PLEKHG6: variants seen among roughly 807,000 people sequenced by gnomAD.
The protein encoded by PLEKHG6 is pleckstrin homology domain-containing family G member 6.
A neutral mutation model predicts 97.5 loss-of-function variants in PLEKHG6; 91 were observed. The observed-to-expected ratio is 0.93, with a 90% confidence interval of 0.79 to 1.11. The LOEUF (loss-of-function observed/expected upper bound fraction) is 1.11. Among genes scored for constraint, PLEKHG6 ranks in the 50% most tolerant of loss-of-function variants. The pLI, the probability that PLEKHG6 is intolerant of heterozygous loss-of-function variation, is 0.00. For missense variants in PLEKHG6, 1,044 were observed against 1,031.0 expected (o/e 1.01, Z -0.17); for synonymous variants, 466 against 425.5 (o/e 1.10, Z -1.17).
intron 13 of PLEKHG6, among the ~76,000 whole-genome samples, chr12:6,323,463 T>C (rs975288303): frequency 5.9e-5 from 9 of 152,226 alleles, no homozygotes; most frequent in Admixed American, 3.3e-4. Flanking sequence ...GGCAGAAACG[T>C]TGACTTGCAG....
rs748228498 is a variant in PLEKHG6 at position 6,327,236 on chromosome 12, C to T, written c.1671-18C>T. 8 of 1,516,194 alleles carry T rather than the reference C, an allele frequency of 5.3e-6. No individual in the cohort carries two copies. Among genetic ancestry groups the T allele is most frequent in the Non-Finnish European group, 6.3e-6 (7 of 1,112,996 alleles). The allele number at this position is 1,516,194 out of a possible 1,614,324, so 93.9% of individuals were successfully genotyped here. ...GAACTTGACCCCTACGCATCTGACT[C>T]TTTGCCATTAACTGTAGGACTCCTG... On this transcript the variant is annotated intron_variant, in intron 14 of 15. Coordinates refer to ENST00000684764, the MANE Select transcript of PLEKHG6 (RefSeq NM_001384598.1).
rs145030896 is a variant in PLEKHG6 at position 6,327,361 on chromosome 12, T to C, written c.1778T>C (p.Leu593Ser). ...DDTSDSGYGT[L>S]IPGTPTGSRS... ...ACCTCAGACTCTGGCTACGGCACTT[T>C]GATCCCAGGCACCCCCACGGGGTCC... Residue 593 changes from leucine to serine, a missense_variant, in exon 15 of 16, where the codon TTG (leucine) becomes TCG (serine). Leu to Ser is a moderately radical substitution (Grantham distance 145). Coordinates refer to ENST00000684764, the MANE Select transcript of PLEKHG6 (RefSeq NM_001384598.1). The C allele has an allele frequency of 7.4e-6, 12 of 1,614,060 alleles. No individual in the cohort carries two copies. The highest frequency in any genetic ancestry group is 1.0e-5 in the Non-Finnish European group (12 of 1,180,028).
Position 6,316,149 on chromosome 12 carries a change from AC to A in PLEKHG6, c.607-101del. On this transcript the variant is annotated intron_variant, in intron 6 of 15. Coordinates refer to ENST00000684764, the MANE Select transcript of PLEKHG6 (RefSeq NM_001384598.1). The surrounding 1 kb of genome is among the most constrained non-coding windows in gnomAD (Gnocchi z 4.1). The stretch of plus-strand genomic sequence containing the variant: ...CCCAGTGCCCAGTTCATCCTTCTTC[AC>A]CCCCGCCCCTGCTGTCCAAGCTTAA... 1.7e-6 allele frequency: 2 copies of A among 1,163,290 alleles called. No homozygotes were observed. Among genetic ancestry groups the A allele is most frequent in the Non-Finnish European group, 2.4e-6 (2 of 842,140 alleles). The allele number at this position is 1,163,290 out of a possible 1,614,324, so 72.1% of individuals were successfully genotyped here.
At chr12:6,314,348 TA>T (rs1005592030) in intron 3 of PLEKHG6, among the ~76,000 whole-genome samples, 1 of 151,154 alleles carries the variant, frequency 6.6e-6, no homozygotes, top group East Asian at 1.9e-4. Flanking sequence ...GCTAAAAATG[TA>T]AAAAAAAATT....
chr12:6,315,761 C>T lies in PLEKHG6; in HGVS notation c.556-108C>T. 2 of 1,235,206 alleles carry T rather than the reference C, an allele frequency of 1.6e-6. No homozygotes were observed. Among genetic ancestry groups the T allele is most frequent in the Non-Finnish European group, 2.3e-6 (2 of 875,614 alleles). The allele number at this position is 1,235,206 out of a possible 1,614,324, so 76.5% of individuals were successfully genotyped here. On this transcript the variant is annotated intron_variant, in intron 5 of 15. Transcript: ENST00000684764. This position sits in a 1 kb window ranked among gnomAD's most constrained non-coding sequence, Gnocchi z 4.5. ...GGGAGGGGCAGGATTTCAGGCCAGT[C>T]TGGGATGCAGGGAGATAGGTCAGCA...
rs1947446765 is a variant in PLEKHG6, at chr12:6,316,055, G to T, written c.606+136G>T. 46 of 935,864 alleles carry T rather than the reference G, an allele frequency of 4.9e-5. 2 individuals carry two copies. In the South Asian group the frequency reaches 7.4e-4, roughly 15 times the overall value. 58.0% of individuals were successfully genotyped at this position (935,864 alleles called of 1,614,324 possible). A position where few individuals can be genotyped will look rare whatever the true frequency, so the allele number is the denominator to read the frequency against. On this transcript the variant is annotated intron_variant, in intron 6 of 15. Transcript: ENST00000684764. The surrounding 1 kb of genome is among the most constrained non-coding windows in gnomAD (Gnocchi z 4.1). The stretch of plus-strand genomic sequence containing the variant: ...GATGCCTTGCCCTCCCTACTTCCCT[G>T]TTACTGGGGACTCCAAGCAGGCCAC...
At chr12:6,314,245 G>C (rs148993952) in intron 3 of PLEKHG6, among the ~76,000 whole-genome samples, 1 of 152,118 alleles carries the variant, frequency 6.6e-6, no homozygotes, top group Non-Finnish European at 1.5e-5. Context: ...GCTCACACCT[G>C]TAATCCCAGC....
In PLEKHG6 at chr12:6,327,565, A is replaced by G. The variant is rs777219763; in HGVS notation, c.1982A>G (p.Gln661Arg). The G allele has an allele frequency of 1.3e-6, 2 of 1,529,730 alleles. No individual in the cohort carries two copies. Among genetic ancestry groups the G allele is most frequent in the Non-Finnish European group, 1.8e-6 (2 of 1,136,212 alleles). 94.8% of individuals were successfully genotyped at this position (1,529,730 alleles called of 1,614,324 possible). A position where few individuals can be genotyped will look rare whatever the true frequency, so the allele number is the denominator to read the frequency against. The stretch of plus-strand genomic sequence containing the variant: ...ATCCTAAAAGGAGGCAGTCTTCCCC[A>G]GGAAGACCCACCAACCTGGTCTGAG... ...EGILKGGSLPQEDPPTWSEEE... is the reference protein window; with the variant it reads ...EGILKGGSLPREDPPTWSEEE... The change falls in exon 15 of 16, where the codon CAG becomes CGG. Residue 661 changes from glutamine to arginine, a missense_variant. Coordinates refer to ENST00000684764, the MANE Select transcript of PLEKHG6 (RefSeq NM_001384598.1).
chr12:6,318,898 G>C, intron 12 of PLEKHG6, 21 bp downstream of exon 12: 1 of 1,614,160 alleles, frequency 6.2e-7, no homozygotes, highest in Middle Eastern at 1.6e-4. Flanking sequence ...CCTTCAGGGA[G>C]TCTTTTCTTC....
chr12:6,318,569 C>G (rs911987782), intron 11 of PLEKHG6, 149 bp downstream of exon 11: 467 of 1,218,102 alleles, frequency 3.8e-4, no homozygotes, highest in Non-Finnish European at 4.8e-4. Flanking sequence ...GAGCCAGCCA[C>G]TTTGCCTGCC....
intron 13 of PLEKHG6, among the ~76,000 whole-genome samples, chr12:6,323,079 T>G (rs1947753519): frequency 2.8e-5 from 1 of 35,150 alleles, no homozygotes; most frequent in Non-Finnish European, 5.6e-5. Flanking sequence ...TTTCTCCTCT[T>G]TTTTTTGGTT....
At chr12:6,319,490 A>G in intron 13 of PLEKHG6, 6 of 1,443,140 alleles carry the variant, frequency 4.2e-6, no homozygotes, top group Non-Finnish European at 5.5e-6. Flanking sequence ...GAAGGAACGA[A>G]TGAACATGGG....
chr12:6,322,887 A>T (rs551966739), intron 13 of PLEKHG6, among the ~76,000 whole-genome samples: 1 of 152,150 alleles, frequency 6.6e-6, no homozygotes, highest in South Asian at 2.1e-4. Context: ...TCTAAAAAAA[A>T]AAAAAGTTAA....
chr12:6,324,292 T>TCC (rs60601739), intron 13 of PLEKHG6, among the ~76,000 whole-genome samples: 2,442 of 121,536 alleles, frequency 0.02, 102 homozygotes, highest in East Asian at 0.17. Context: ...CTCGCCCCCC[T>TCC]CCCCCCCCCG....
chr12:6,321,754 G>C (rs1279363782), intron 13 of PLEKHG6, among the ~76,000 whole-genome samples: 1 of 148,284 alleles, frequency 6.7e-6, no homozygotes, highest in Non-Finnish European at 1.5e-5. Context: ...GTGAACCCGG[G>C]AGGCGGAGCT....
intron 13 of PLEKHG6, among the ~76,000 whole-genome samples, chr12:6,324,527 A>C (rs1449821456): frequency 6.6e-6 from 1 of 151,548 alleles, no homozygotes; most frequent in Non-Finnish European, 1.5e-5. Flanking sequence ...CTCTTTTCTC[A>C]CTTCTTCCCT....
At chr12:6,319,309 G>A (rs886267695) in intron 13 of PLEKHG6, 13 of 609,598 alleles carry the variant, frequency 2.1e-5, no homozygotes, top group South Asian at 4.0e-5. Flanking sequence ...TTAGCCGGGC[G>A]TGGTGGTGTG....
In PLEKHG6 at chr12:6,316,275, T is replaced by G. The variant is rs1286773335; in HGVS notation, c.627T>G (p.Phe209Leu). The G allele has an allele frequency of 6.4e-7, 1 of 1,554,358 alleles. No individual in the cohort carries two copies. The highest frequency in any genetic ancestry group is 8.7e-7 in the Non-Finnish European group (1 of 1,148,020). Residue 209 changes from phenylalanine (F) to leucine (L), a missense_variant, in exon 7 of 16, where the codon TTT (phenylalanine) becomes TTG (leucine). By Grantham distance (22) the Phe-to-Leu change is conservative. Transcript: ENST00000684764. This position sits in a 1 kb window ranked among gnomAD's most constrained non-coding sequence, Gnocchi z 4.1. ...LLMEVSAETL[F>L]GNVPSLIRTH... ...TCCAGGTGTCAGCTGAGACCCTGTT[T>G]GGAAATGTCCCCAGCCTGATTCGAA...
intron 8 of PLEKHG6, 41 bp from the exon 9 acceptor site, chr12:6,317,506 A>G: frequency 6.2e-7 from 1 of 1,612,322 alleles, no homozygotes; most frequent in South Asian, 1.1e-5. Context: ...TAGGCAGGGC[A>G]GGAGGGAGCA....
Sources: allele counts gnomAD v4.1 joint callset (sites outside exome capture counted in the v4.1 genomes callset), GRCh38; gene constraint gnomAD v4.1.1; non-coding constraint Gnocchi (gnomAD v3.1); transcripts MANE v1.5; gene names NCBI Gene and HGNC (gene_info 2026-07-23, HGNC 2026-07-21).